NES: variants seen among roughly 807,000 people sequenced by gnomAD.
The protein encoded by NES is nestin.
In NES, 27 loss-of-function variants were observed where a neutral mutation model predicts 35.6. The ratio of observed to expected loss-of-function variants is 0.76; its 90% confidence interval spans 0.56 to 1.04. The LOEUF (loss-of-function observed/expected upper bound fraction) is 1.04, where lower values mean the gene tolerates loss of function less well. Ranked by LOEUF, NES falls within the 50% of genes least tolerant of loss-of-function variation. The probability of loss-of-function intolerance (pLI) is 0.00; values close to 1 mark genes in which losing one functional copy is unlikely to be tolerated. For missense variants in NES, 1,867 were observed against 1,983.6 expected, an observed-to-expected ratio of 0.94 and a Z score of 1.12; for synonymous variants, 822 against 824.2, an observed-to-expected ratio of 1.00 and a Z score of 0.04.
Position 156,677,057 on chromosome 1 carries a change from G to C in NES, c.208C>G (p.Arg70Gly), listed in dbSNP as rs1392008106. 3.1e-6 allele frequency: 5 copies of C among 1,596,902 alleles called. No homozygotes were observed. In the Admixed American group the frequency reaches 8.5e-5, roughly 27 times the overall value. ...LAALRALVDQ[R>G]WREKHAAEVA... Reference sequence around the variant, plus strand: ...TCGGCCGCGTGCTTCTCCCGCCAGCGTTGGTCAACGAGGGCCCGCAGGGCC... The same window carrying C: ...TCGGCCGCGTGCTTCTCCCGCCAGCCTTGGTCAACGAGGGCCCGCAGGGCC... Residue 70 changes from arginine (R) to glycine (G), a missense_variant, in exon 1 of 4, where the codon CGC becomes GGC. Coordinates refer to ENST00000368223, the MANE Select transcript of NES (RefSeq NM_006617.2). The surrounding 1 kb of genome is among the most constrained non-coding windows in gnomAD (Gnocchi z 4.5).
rs777155215 is a variant in NES at position 156,676,447 on chromosome 1, G to A, written c.783+35C>T. 6.3e-7 allele frequency: 1 copy of A among 1,592,214 alleles called. No individual in the cohort carries two copies. Among genetic ancestry groups the A allele is most frequent in the Non-Finnish European group, 8.5e-7 (1 of 1,175,484 alleles). ...ATAAGGGACTTTCTGGAGCTTTCTG[G>A]GACTTTCTCTCACCCAGGCCCTCAA... On this transcript the variant is annotated intron_variant, in intron 1 of 3. Coordinates refer to ENST00000368223, the MANE Select transcript of NES (RefSeq NM_006617.2). This position sits in a 1 kb window ranked among gnomAD's most constrained non-coding sequence, Gnocchi z 5.3.
chr1:156,669,323 T>C lies in NES; in HGVS notation c.4865A>G (p.Ter1622TrpextTer11). 6.5e-7 allele frequency: 1 copy of C among 1,546,470 alleles called. No individual in the cohort carries two copies. Among genetic ancestry groups the C allele is most frequent in the Non-Finnish European group, 8.8e-7 (1 of 1,141,774 alleles). ...CAGTGCCGGGCAGATGGTCTTTTCC[T>C]AGTCCTCCCCTGAGGACCAGGACTC... Reference protein sequence around the residue: ...DRESWSSGED* With the variant: ...DRESWSSGEDW The change falls in exon 4 of 4, where the codon TAG (stop) becomes TGG (tryptophan). Residue 1622 changes from the stop codon to tryptophan (W), a stop_lost. Coordinates refer to ENST00000368223, the MANE Select transcript of NES (RefSeq NM_006617.2).
Position 156,676,980 on chromosome 1 carries a change from G to C in NES, c.285C>G (p.Cys95Trp). ...GCTCCCGGGCCAGCCGCAGCTGCTGGCATCGGCCTGCCACGCCCTCCAGCT... is the reference window on the plus strand; with the variant it reads ...GCTCCCGGGCCAGCCGCAGCTGCTGCCATCGGCCTGCCACGCCCTCCAGCT... ...AEELEGVAGRCQQLRLARERT... is the reference protein window; with the variant it reads ...AEELEGVAGRWQQLRLARERT... The change falls in exon 1 of 4, where the codon TGC becomes TGG. Residue 95 changes from cysteine (C) to tryptophan (W), a missense_variant. Coordinates refer to ENST00000368223, the MANE Select transcript of NES (RefSeq NM_006617.2). The surrounding 1 kb of genome is among the most constrained non-coding windows in gnomAD (Gnocchi z 5.3). The C allele has an allele frequency of 6.4e-7, 1 of 1,567,166 alleles. No homozygotes were observed. The highest frequency in any genetic ancestry group is 1.7e-4 in the Middle Eastern group (1 of 5,942).
In NES at chr1:156,671,372, C is replaced by T; in HGVS notation, c.2816G>A (p.Gly939Glu). ...ATCTGCAGACTGCGGCAGCTCCTGT[C>T]CCTCCTCCTCCAGAGACCTCAGTGA... ...QESLRSLEEE[G>E]QELPQSADVQ... is the part of the protein sequence containing the mutation. Residue 939 changes from glycine to glutamate, a missense_variant, in exon 4 of 4, where the codon GGA becomes GAA. Coordinates refer to ENST00000368223, the MANE Select transcript of NES (RefSeq NM_006617.2). 1 of 1,614,066 alleles carries T rather than the reference C, an allele frequency of 6.2e-7. No individual in the cohort carries two copies. Among genetic ancestry groups the T allele is most frequent in the Non-Finnish European group, 8.5e-7 (1 of 1,180,038 alleles).
Position 156,670,808 on chromosome 1 carries a change from TC to T in NES, c.3379del (p.Glu1127ArgfsTer18). ...EEVMEPPLEE[E>X]SLEAKRVQGL... is the part of the protein sequence containing the mutation. ...CTGAACCCTCTTTGCCTCCAAACTC[TC>T]CTCTTCCAGGGGTGGTTCCATCACC... is the stretch of plus-strand genomic sequence containing the variant. On this transcript the variant is annotated frameshift_variant, in exon 4 of 4. Coordinates refer to ENST00000368223, the MANE Select transcript of NES (RefSeq NM_006617.2). LOFTEE classifies it low-confidence loss of function (END_TRUNC). 1 of 1,613,980 alleles carries T rather than the reference TC, an allele frequency of 6.2e-7. No individual in the cohort carries two copies. The highest frequency in any genetic ancestry group is 8.5e-7 in the Non-Finnish European group (1 of 1,179,948).
intron 1 of NES, among the ~76,000 whole-genome samples, chr1:156,675,759 G>GCCCCCGT (rs907781695): frequency 1.3e-5 from 2 of 152,090 alleles, no homozygotes; most frequent in African/African-American, 4.8e-5. Context: ...AAGGCAAACA[G>GCCCCCGT]CCCCCGTCCC....
chr1:156,669,523 G>C lies in NES; in HGVS notation c.4665C>G (p.Asn1555Lys), dbSNP rs148568870. Reference sequence around the variant, plus strand: ...CCACTTCCTCAGACTGCTCCAGCCCGTTCATCACTCCCCCATTCACATGCT... The same window carrying C: ...CCACTTCCTCAGACTGCTCCAGCCCCTTCATCACTCCCCCATTCACATGCT... ...KSQHVNGGVM[N>K]GLEQSEEVGQ... The change falls in exon 4 of 4, where the codon AAC becomes AAG. Residue 1555 changes from asparagine to lysine, a missense_variant. Physicochemically the swap from Asn to Lys is moderately conservative, Grantham distance 94. Coordinates refer to ENST00000368223, the MANE Select transcript of NES (RefSeq NM_006617.2). 1 of 1,611,734 alleles carries C rather than the reference G, an allele frequency of 6.2e-7. No individual in the cohort carries two copies. The highest frequency in any genetic ancestry group is 8.5e-7 in the Non-Finnish European group (1 of 1,178,296).
chr1:156,672,267 C>T lies in NES; in HGVS notation c.1921G>A (p.Gly641Ser). The T allele has an allele frequency of 6.2e-7, 1 of 1,601,746 alleles. No homozygotes were observed. Among genetic ancestry groups the T allele is most frequent in the Non-Finnish European group, 8.5e-7 (1 of 1,175,796 alleles). The part of the protein sequence containing the change: ...ENQELMKSLE[G>S]NLETFLFPGT... ...GGAAATAAAAATGTCTCTAGATTACCTTCAAGAGATTTCATTAGTTCTTGA... is the reference window on the plus strand; with the variant it reads ...GGAAATAAAAATGTCTCTAGATTACTTTCAAGAGATTTCATTAGTTCTTGA... The change falls in exon 4 of 4, where the codon GGT becomes AGT. Residue 641 changes from glycine to serine, a missense_variant. Physicochemically the swap from Gly to Ser is moderately conservative, Grantham distance 56. Transcript: ENST00000368223.
At position 156,676,990 on chromosome 1, in the gene NES, G is replaced by A. The variant is rs897906008; in HGVS notation, c.275C>T (p.Ala92Val). 3.2e-6 allele frequency: 5 copies of A among 1,580,582 alleles called. No homozygotes were observed. The highest frequency in any genetic ancestry group is 1.7e-4 in the Middle Eastern group (1 of 6,008). Residue 92 changes from alanine (A) to valine (V), a missense_variant, in exon 1 of 4, where the codon GCA becomes GTA. Transcript: ENST00000368223. This position sits in a 1 kb window ranked among gnomAD's most constrained non-coding sequence, Gnocchi z 5.3. ...CAGCCGCAGCTGCTGGCATCGGCCT[G>A]CCACGCCCTCCAGCTCTTCAGCCAG... Reference protein sequence around the residue: ...DNLAEELEGVAGRCQQLRLAR... With the variant: ...DNLAEELEGVVGRCQQLRLAR...
chr1:156,675,046 C>T (rs961531303), intron 2 of NES, among the ~76,000 whole-genome samples, 170 bp downstream of exon 2: 3 of 152,228 alleles, frequency 2.0e-5, no homozygotes, highest in Non-Finnish European at 2.9e-5. Context: ...GGGGAGCAGA[C>T]GGTTTCAGGC....
intron 1 of NES, among the ~76,000 whole-genome samples, chr1:156,675,675 G>A (rs73000736): frequency 0.033 from 5,030 of 152,256 alleles, 307 homozygotes; most frequent in African/African-American, 0.11. Flanking sequence ...GTTATGGAGA[G>A]AGAAGAGGGG....
In NES at chr1:156,672,867, G is replaced by A. The variant is rs1369796946; in HGVS notation, c.1321C>T (p.Leu441=). The A allele has an allele frequency of 6.2e-7, 1 of 1,613,980 alleles. No individual in the cohort carries two copies. The highest frequency in any genetic ancestry group is 1.1e-5 in the South Asian group (1 of 91,082). Residue 441 remains leucine, a synonymous_variant, in exon 4 of 4, where the codon CTG becomes TTG. Transcript: ENST00000368223. Reference sequence around the variant, plus strand: ...CCCCCAGGCTCCTCTGGTCCAGGCAGGACGCTGGCAGGAATGGCCACCCTG... The same window carrying A: ...CCCCCAGGCTCCTCTGGTCCAGGCAAGACGCTGGCAGGAATGGCCACCCTG... ...EARVAIPASV[L]PGPEEPGGQR... is the part of the protein sequence containing the mutation.
chr1:156,670,416 TC>T lies in NES; in HGVS notation c.3771del (p.Val1259Ter). ...AACTCCTCCTGCTCGCTCTCTACTT[TC>T]CCCAGGGCTTCAGCCCTCCCCTGCA... ...WGVQGRAEAL[G>X]KVESEQEELG... On this transcript the variant is annotated frameshift_variant, in exon 4 of 4. Transcript: ENST00000368223. LOFTEE classifies it low-confidence loss of function (END_TRUNC). The T allele has an allele frequency of 6.4e-7, 1 of 1,568,852 alleles. No individual in the cohort carries two copies. Among genetic ancestry groups the T allele is most frequent in the Non-Finnish European group, 8.6e-7 (1 of 1,158,318 alleles).
Position 156,676,768 on chromosome 1 carries a change from C to A in NES, c.497G>T (p.Arg166Leu). Reference sequence around the variant, plus strand: ...CTCCGGGGCCGGCGCGGGAGGCCCGCGGGGCGGCGCGGGGCAGCGGGGGGC... The same window carrying A: ...CTCCGGGGCCGGCGCGGGAGGCCCGAGGGGCGGCGCGGGGCAGCGGGGGGC... ...ACAPRCPAPP[R>L]GPPAPAPEVE... is the part of the protein sequence containing the mutation. The change falls in exon 1 of 4, where the codon CGC (arginine) becomes CTC (leucine). Residue 166 changes from arginine (R) to leucine (L), a missense_variant. Physicochemically the swap from Arg to Leu is moderately radical, Grantham distance 102 (BLOSUM62 -2). Coordinates refer to ENST00000368223, the MANE Select transcript of NES (RefSeq NM_006617.2). The surrounding 1 kb of genome is among the most constrained non-coding windows in gnomAD (Gnocchi z 5.3). 1 of 1,357,710 alleles carries A rather than the reference C, an allele frequency of 7.4e-7. No homozygotes were observed. The highest frequency in any genetic ancestry group is 1.5e-5 in the African/African-American group (1 of 65,336). The allele number at this position is 1,357,710 out of a possible 1,614,324, so 84.1% of individuals were successfully genotyped here.
chr1:156,675,243 G>A lies in NES; in HGVS notation c.881C>T (p.Ser294Phe). The A allele has an allele frequency of 1.2e-6, 2 of 1,613,670 alleles. No individual in the cohort carries two copies. Among genetic ancestry groups the A allele is most frequent in the African/African-American group, 1.3e-5 (1 of 75,048 alleles). The change falls in exon 2 of 4, where the codon TCC becomes TTC. Residue 294 changes from serine to phenylalanine, a missense_variant. By Grantham distance (155) the Ser-to-Phe change is radical. Transcript: ENST00000368223. ...GRQQLAHLKMSLSLEVATYRT... is the reference protein window; with the variant it reads ...GRQQLAHLKMFLSLEVATYRT... ...GTACGTGGCCACCTCCAGGCTGAGG[G>A]ACATCTTGAGGTGCGCCAGCTGCTG...
chr1:156,676,882 C>A lies in NES; in HGVS notation c.383G>T (p.Ser128Ile). The change falls in exon 1 of 4, where the codon AGC (serine) becomes ATC (isoleucine). Residue 128 changes from serine to isoleucine, a missense_variant. Ser to Ile is a moderately radical substitution (Grantham distance 142). Transcript: ENST00000368223. The surrounding 1 kb of genome is among the most constrained non-coding windows in gnomAD (Gnocchi z 5.3). The part of the protein sequence containing the change: ...AEKCARAWLS[S>I]QVAELERELE... ...CTCGCGCTCCAGCTCTGCCACCTGG[C>A]TACTCAGCCAGGCCCGGGCGCATTT... 1.3e-6 allele frequency: 2 copies of A among 1,537,270 alleles called. No individual in the cohort carries two copies. Among genetic ancestry groups the A allele is most frequent in the South Asian group, 1.2e-5 (1 of 83,524 alleles).
rs1399215250 is a variant in NES, at chr1:156,676,862, G to C, written c.403C>G (p.Arg135Gly). Residue 135 changes from arginine to glycine, a missense_variant, in exon 1 of 4, where the codon CGC (arginine) becomes GGC (glycine). Coordinates refer to ENST00000368223, the MANE Select transcript of NES (RefSeq NM_006617.2). This position sits in a 1 kb window ranked among gnomAD's most constrained non-coding sequence, Gnocchi z 5.3. ...WLSSQVAELE[R>G]ELEALRVAHE... ...GCCACGCGTAGAGCCTCTAGCTCGCGCTCCAGCTCTGCCACCTGGCTACTC... is the reference window on the plus strand; with the variant it reads ...GCCACGCGTAGAGCCTCTAGCTCGCCCTCCAGCTCTGCCACCTGGCTACTC... The C allele has an allele frequency of 1.3e-6, 2 of 1,516,406 alleles. No individual in the cohort carries two copies. The highest frequency in any genetic ancestry group is 2.2e-5 in the Admixed American group (1 of 46,026). 93.9% of individuals were successfully genotyped at this position (1,516,406 alleles called of 1,614,324 possible).
rs1416687888 is a variant in NES, at chr1:156,671,773, C to T, written c.2415G>A (p.Glu805=). 3 of 1,613,932 alleles carry T rather than the reference C, an allele frequency of 1.9e-6. No homozygotes were observed. Among genetic ancestry groups the T allele is most frequent in the Non-Finnish European group, 2.5e-6 (3 of 1,179,996 alleles). ...IARPLENENQ[E]FLKSLKEESV... ...TCTCTTCTTTGAGTGACTTTAAGAA[C>T]TCTTGATTCTCATTTTCAAGAGGTC... The change falls in exon 4 of 4, where the codon GAG becomes GAA. Residue 805 remains glutamate, a synonymous_variant. Coordinates refer to ENST00000368223, the MANE Select transcript of NES (RefSeq NM_006617.2).
intron 1 of NES, among the ~76,000 whole-genome samples, chr1:156,675,677 G>T (rs923594380): frequency 5.9e-5 from 9 of 152,160 alleles, no homozygotes; most frequent in South Asian, 4.1e-4. Flanking sequence ...TATGGAGAGA[G>T]AAGAGGGGGA....
Sources: allele counts gnomAD v4.1 joint callset (sites outside exome capture counted in the v4.1 genomes callset), GRCh38; gene constraint gnomAD v4.1.1; non-coding constraint Gnocchi (gnomAD v3.1); transcripts MANE v1.5; gene names NCBI Gene and HGNC (gene_info 2026-07-23, HGNC 2026-07-21).